LDLRAD3: variants seen among roughly 807,000 people sequenced by gnomAD.
LDLRAD3 encodes the protein low density lipoprotein receptor class A domain containing 3, also known as low-density lipoprotein receptor class A domain-containing protein 3.
A neutral mutation model predicts 29.4 loss-of-function variants in LDLRAD3; 20 were observed. The ratio of observed to expected loss-of-function variants is 0.68; its 90% confidence interval spans 0.48 to 0.99. LDLRAD3 has a LOEUF of 0.99. Ranked by LOEUF, LDLRAD3 falls within the 50% of genes least tolerant of loss-of-function variation. The pLI is 0.00. For synonymous variants in LDLRAD3, 157 were observed against 192.7 expected (o/e 0.81, Z 1.53); for missense variants, 420 against 454.3 (o/e 0.92, Z 0.69).
intron 1 of LDLRAD3, among the ~76,000 whole-genome samples, chr11:35,985,367 G>C (rs1851601915): frequency 6.6e-6 from 1 of 152,168 alleles, no homozygotes; most frequent in African/African-American, 2.4e-5. Context: ...AGGAAATGGA[G>C]TAGACTCGGG....
chr11:36,069,249 C>A (rs556675562), intron 2 of LDLRAD3, among the ~76,000 whole-genome samples: 2 of 152,252 alleles, frequency 1.3e-5, no homozygotes, highest in East Asian at 3.9e-4. Context: ...AAGGAGCTCC[C>A]CCGTTTAGCC....
intron 2 of LDLRAD3, among the ~76,000 whole-genome samples, chr11:36,052,372 G>A (rs1050545358): frequency 1.3e-5 from 2 of 152,330 alleles, no homozygotes; most frequent in African/African-American, 2.4e-5. Context: ...GCCCATGAGA[G>A]GAGATGACTT....
At chr11:36,138,891 C>G (rs1361150160) in intron 4 of LDLRAD3, among the ~76,000 whole-genome samples, 1 of 152,332 alleles carries the variant, frequency 6.6e-6, no homozygotes, top group East Asian at 1.9e-4. Context: ...CATGTAATCC[C>G]TATGTAATAG....
At chr11:36,154,244 T>A (rs1854316223) in intron 4 of LDLRAD3, among the ~76,000 whole-genome samples, 1 of 152,170 alleles carries the variant, frequency 6.6e-6, no homozygotes, top group African/African-American at 2.4e-5. Flanking sequence ...TTTAAACATC[T>A]GGGGGACTTA....
chr11:36,201,218 G>T (rs1482005535), intron 4 of LDLRAD3, among the ~76,000 whole-genome samples: 1 of 152,174 alleles, frequency 6.6e-6, no homozygotes, highest in African/African-American at 2.4e-5. Flanking sequence ...GCAACCAGAA[G>T]ACAGCTGGAC....
intron 1 of LDLRAD3, among the ~76,000 whole-genome samples, chr11:35,987,467 A>G (rs1266907969): frequency 2.6e-5 from 4 of 152,192 alleles, no homozygotes; most frequent in Non-Finnish European, 5.9e-5. Flanking sequence ...ATGTCCATGA[A>G]TACCCAATAT....
At chr11:36,115,657 G>A (rs1853664304) in intron 4 of LDLRAD3, among the ~76,000 whole-genome samples, 1 of 152,052 alleles carries the variant, frequency 6.6e-6, no homozygotes, top group Non-Finnish European at 1.5e-5. Flanking sequence ...TCCGCAAAAG[G>A]ACGCCCCAGT....
chr11:36,086,233 A>T (rs547987164), intron 3 of LDLRAD3, among the ~76,000 whole-genome samples: 20 of 152,300 alleles, frequency 1.3e-4, no homozygotes, highest in Non-Finnish European at 2.1e-4. Context: ...TAACTTCAAC[A>T]TCTGTGTCAT....
chr11:36,159,049 G>C (rs899955482), intron 4 of LDLRAD3, among the ~76,000 whole-genome samples: 3 of 152,176 alleles, frequency 2.0e-5, no homozygotes, highest in Non-Finnish European at 4.4e-5. Context: ...CGTGTTGGCT[G>C]CTTTCTTAAA....
At chr11:36,195,636 C>A (rs892797602) in intron 4 of LDLRAD3, among the ~76,000 whole-genome samples, 2 of 152,148 alleles carry the variant, frequency 1.3e-5, no homozygotes, top group Non-Finnish European at 2.9e-5. Flanking sequence ...TAAAGGGCTG[C>A]AAAACAGCCC....
chr11:36,074,372 T>A (rs138405689), intron 2 of LDLRAD3, among the ~76,000 whole-genome samples: 3 of 152,144 alleles, frequency 2.0e-5, no homozygotes, highest in Non-Finnish European at 2.9e-5. Context: ...CTGCAGATAG[T>A]GCAATGATTC....
At chr11:36,115,592 C>G (rs1485364812) in intron 4 of LDLRAD3, among the ~76,000 whole-genome samples, 1 of 152,208 alleles carries the variant, frequency 6.6e-6, no homozygotes, top group Non-Finnish European at 1.5e-5. Context: ...ACCTCAAGCT[C>G]TGCTGTGTCA....
chr11:36,099,546 T>A (rs968247961), intron 4 of LDLRAD3, among the ~76,000 whole-genome samples: 1 of 152,194 alleles, frequency 6.6e-6, no homozygotes, highest in Non-Finnish European at 1.5e-5. Context: ...AGTTTATAGA[T>A]CTAATAAAAG....
chr11:36,182,470 G>A (rs978921396), intron 4 of LDLRAD3, among the ~76,000 whole-genome samples: 6 of 152,118 alleles, frequency 3.9e-5, no homozygotes, highest in Admixed American at 1.3e-4. Flanking sequence ...TTCAGAATTC[G>A]GTCCTCTTGG....
chr11:36,179,177 G>A (rs1854720697), intron 4 of LDLRAD3, among the ~76,000 whole-genome samples: 1 of 152,112 alleles, frequency 6.6e-6, no homozygotes, highest in African/African-American at 2.4e-5. Flanking sequence ...CGAATGAAAA[G>A]GTAGAGCCCA....
At chr11:36,066,221 C>G (rs935110479) in intron 2 of LDLRAD3, among the ~76,000 whole-genome samples, 1 of 151,280 alleles carries the variant, frequency 6.6e-6, no homozygotes, top group Non-Finnish European at 1.5e-5. Context: ...TAGATATCAC[C>G]TTTCATGCAG....
chr11:36,136,766 C>T (rs1221807431), intron 4 of LDLRAD3, among the ~76,000 whole-genome samples: 1 of 151,902 alleles, frequency 6.6e-6, no homozygotes, highest in East Asian at 1.9e-4. Context: ...TCTTAGCTCA[C>T]GGTTACCCCT....
chr11:36,165,928 G>A (rs1310954086), intron 4 of LDLRAD3, among the ~76,000 whole-genome samples: 1 of 144,992 alleles, frequency 6.9e-6, no homozygotes, highest in Non-Finnish European at 1.5e-5. Flanking sequence ...TTCTTTTCTA[G>A]GCTGACTGGC....
chr11:36,065,752 C>G (rs1434280779), intron 2 of LDLRAD3, among the ~76,000 whole-genome samples: 1 of 152,190 alleles, frequency 6.6e-6, no homozygotes, highest in Non-Finnish European at 1.5e-5. Flanking sequence ...GTGGGTGTTA[C>G]AGTGGCTTAT....
Sources: allele counts gnomAD v4.1 joint callset (sites outside exome capture counted in the v4.1 genomes callset), GRCh38; gene constraint gnomAD v4.1.1; transcripts MANE v1.5; gene names NCBI Gene and HGNC (gene_info 2026-07-23, HGNC 2026-07-21).